The following SPECC1 variants were observed in gnomAD, a reference collection of about 807,000 sequenced individuals.
The protein encoded by SPECC1 is sperm antigen with calponin homology and coiled-coil domains 1, also known as cytospin-B.
Under a neutral mutation model 104.1 loss-of-function variants are expected in SPECC1, and 62 were observed. The ratio of observed to expected loss-of-function variants is 0.60; its 90% CI spans 0.49 to 0.74. The LOEUF (loss-of-function observed/expected upper bound fraction) is 0.74. Ranked by LOEUF, SPECC1 falls within the 30% of genes least tolerant of loss-of-function variation. SPECC1 has a pLI of 0.00. For missense variants in SPECC1, 1,306 were observed against 1,310.5 expected, an observed-to-expected ratio of 1.00 and a Z score of 0.05; for synonymous variants, 513 against 501.6, an observed-to-expected ratio of 1.02 and a Z score of -0.30.
chr17:20,206,212 A>G (rs1172552250), intron 4 of SPECC1, among the ~76,000 whole-genome samples: 2 of 152,194 alleles, frequency 1.3e-5, no homozygotes, highest in East Asian at 3.8e-4. Context: ...GTCTAGTGCA[A>G]AGGAGGGGCA....
chr17:20,141,246 T>C (rs1421775775), intron 3 of SPECC1, among the ~76,000 whole-genome samples: 1 of 152,222 alleles, frequency 6.6e-6, no homozygotes, highest in African/African-American at 2.4e-5. Context: ...GTCACTCCCA[T>C]ATCCTACCTA....
chr17:20,100,346 A>G (rs1344244418), intron 2 of SPECC1, among the ~76,000 whole-genome samples: 2 of 152,188 alleles, frequency 1.3e-5, no homozygotes, highest in Non-Finnish European at 2.9e-5. Context: ...ACTAAAAAGG[A>G]AGTCAGAGAG....
At chr17:20,049,352 G>C (rs552547170) in intron 1 of SPECC1, among the ~76,000 whole-genome samples, 15 of 152,094 alleles carry the variant, frequency 9.9e-5, no homozygotes, top group African/African-American at 3.4e-4. Flanking sequence ...TGTAGTCCTG[G>C]TACTATCATT....
intron 12 of SPECC1, among the ~76,000 whole-genome samples, chr17:20,274,266 G>A (rs1350922934): frequency 6.6e-6 from 1 of 152,134 alleles, no homozygotes; most frequent in Non-Finnish European, 1.5e-5. Context: ...TCCCTTCTGT[G>A]CCTCTGTGGG....
At chr17:20,071,232 A>G (rs1051595045) in intron 1 of SPECC1, among the ~76,000 whole-genome samples, 1 of 152,180 alleles carries the variant, frequency 6.6e-6, no homozygotes, top group African/African-American at 2.4e-5. Flanking sequence ...TAGATTAGTC[A>G]TGCCATCTTT....
In SPECC1 at chr17:20,316,146, A is replaced by C. The variant is rs1286026678; in HGVS notation, c.*2081A>C. On this transcript the variant is annotated 3_prime_UTR_variant, in exon 15 of 15. Coordinates refer to ENST00000395527, the MANE Select transcript of SPECC1 (RefSeq NM_001243439.2). ...AACCTGAAAGTTACTACTTCTGCTG[A>C]TTCAGGCACTTGTTTGAAGCATTTT... The C allele has an allele frequency of 4.8e-5, 11 of 231,456 alleles. No homozygotes were observed. In the East Asian group the frequency reaches 6.7e-4, roughly 14 times the overall value. 14.3% of individuals were successfully genotyped at this position (231,456 alleles called of 1,614,324 possible).
chr17:20,214,420 C>CT (rs1197117451), intron 4 of SPECC1, among the ~76,000 whole-genome samples: 1 of 152,142 alleles, frequency 6.6e-6, no homozygotes, highest in Non-Finnish European at 1.5e-5. Context: ...AGAAAGATGA[C>CT]TTGGGCCACA....
chr17:20,125,846 C>T (rs564970060), intron 3 of SPECC1, among the ~76,000 whole-genome samples: 5 of 152,314 alleles, frequency 3.3e-5, no homozygotes, highest in African/African-American at 1.2e-4. Flanking sequence ...ATGAACTCTG[C>T]ACTAGTTAAG....
intron 4 of SPECC1, 119 bp downstream of exon 4, chr17:20,206,031 A>T: frequency 1.4e-6 from 2 of 1,386,438 alleles, no homozygotes; most frequent in African/African-American, 2.9e-5. Context: ...TCACGAAGCC[A>T]GCATTCCAGC....
At chr17:20,111,439 GGTT>G (rs1444852822) in intron 3 of SPECC1, among the ~76,000 whole-genome samples, 1 of 152,076 alleles carries the variant, frequency 6.6e-6, no homozygotes, top group African/African-American at 2.4e-5. Context: ...GGAATGGCCT[GGTT>G]TTTCTATATA....
chr17:20,048,112 G>A (rs1053253512), intron 1 of SPECC1, among the ~76,000 whole-genome samples: 8 of 151,800 alleles, frequency 5.3e-5, no homozygotes, highest in South Asian at 2.1e-4. Flanking sequence ...ATTTGAATAC[G>A]GCTCAAGATC....
intron 3 of SPECC1, among the ~76,000 whole-genome samples, chr17:20,167,524 CA>C (rs1476324136): frequency 2.0e-5 from 3 of 152,010 alleles, no homozygotes; most frequent in African/African-American, 7.3e-5. Flanking sequence ...ACTAAAAACA[CA>C]AAATTAGACG....
At chr17:20,269,449 G>A (rs572855835) in intron 12 of SPECC1, among the ~76,000 whole-genome samples, 90 of 152,258 alleles carry the variant, frequency 5.9e-4, no homozygotes, top group Non-Finnish European at 1.2e-3. Context: ...TCTTGAGATG[G>A]GGTTTCAGTC....
chr17:20,239,344 CAG>C (rs1193569592), intron 7 of SPECC1: 1 of 956,174 alleles, frequency 1.0e-6, no homozygotes, highest in Non-Finnish European at 1.3e-6. Flanking sequence ...TCAGTGTTAA[CAG>C]TGTGTACATT....
At chr17:20,181,177 C>A (rs777935132) in intron 3 of SPECC1, among the ~76,000 whole-genome samples, 39 of 151,732 alleles carry the variant, frequency 2.6e-4, no homozygotes, top group Non-Finnish European at 5.7e-4. Flanking sequence ...AATCTATAGT[C>A]AGGAAAAAGT....
chr17:20,168,267 A>T (rs190230789), intron 3 of SPECC1, among the ~76,000 whole-genome samples: 338 of 152,336 alleles, frequency 2.2e-3, no homozygotes, highest in African/African-American at 7.9e-3. Context: ...AAAAAACATT[A>T]CACCATTGGC....
At chr17:20,065,868 T>A (rs914146039) in intron 1 of SPECC1, among the ~76,000 whole-genome samples, 4 of 152,098 alleles carry the variant, frequency 2.6e-5, no homozygotes, top group African/African-American at 7.2e-5. Flanking sequence ...GAGAGAGAGA[T>A]TCTGTTTCCT....
At chr17:20,024,771 A>T (rs2044535035) in intron 1 of SPECC1, among the ~76,000 whole-genome samples, 1 of 152,104 alleles carries the variant, frequency 6.6e-6, no homozygotes, top group African/African-American at 2.4e-5. Flanking sequence ...GGACTCTGAT[A>T]ATAGCCCCTC....
intron 3 of SPECC1, among the ~76,000 whole-genome samples, chr17:20,125,873 T>G (rs147164060): frequency 1.3e-5 from 2 of 152,320 alleles, no homozygotes; most frequent in East Asian, 3.9e-4. Context: ...AATTCTAAGC[T>G]TGAGGACACA....
Sources: allele counts gnomAD v4.1 joint callset (sites outside exome capture counted in the v4.1 genomes callset), GRCh38; gene constraint gnomAD v4.1.1; transcripts MANE v1.5; gene names NCBI Gene and HGNC (gene_info 2026-07-23, HGNC 2026-07-21).